SDK1: variants seen among roughly 807,000 people sequenced by gnomAD.
The protein encoded by SDK1 is sidekick cell adhesion molecule 1, also known as protein sidekick-1.
SDK1 carries 157 observed loss-of-function variants against 245.5 expected under a neutral mutation model. That is an observed-to-expected ratio of 0.64 (90% CI 0.56 to 0.73). The LOEUF is 0.73. Ranked by LOEUF, SDK1 falls within the 30% of genes least tolerant of loss-of-function variation. The pLI is 0.00. For missense variants in SDK1, 3,583 were observed against 3,002.3 expected (o/e 1.19, Z -4.52); for synonymous variants, 1,647 against 1,278.5 (o/e 1.29, Z -6.15).
chr7:3,856,750 C>T (rs1780557489), intron 5 of SDK1, among the ~76,000 whole-genome samples: 1 of 152,132 alleles, frequency 6.6e-6, no homozygotes, highest in Admixed American at 6.5e-5. Flanking sequence ...GAGATCACAC[C>T]ACTGCACTCT....
chr7:4,129,955 C>T lies in SDK1; in HGVS notation c.3987C>T (p.Ile1329=), dbSNP rs753458390. 4 of 1,613,700 alleles carry T rather than the reference C, an allele frequency of 2.5e-6. No individual in the cohort carries two copies. Among genetic ancestry groups the T allele is most frequent in the Middle Eastern group, 1.6e-4 (1 of 6,082 alleles). Residue 1329 remains isoleucine, a synonymous_variant, in exon 27 of 45, where the codon ATC becomes ATT. Transcript: ENST00000404826. ...KDLDPEPRSH[I]VRGNHTQSAL... is the part of the protein sequence containing the mutation. The stretch of plus-strand genomic sequence containing the variant: ...TGGATCCCGAGCCCAGGAGCCACAT[C>T]GTGCGAGGGAACCACACGCAGTCGG...
At chr7:3,546,191 G>C (rs548629371) in intron 1 of SDK1, among the ~76,000 whole-genome samples, 16 of 152,170 alleles carry the variant, frequency 1.1e-4, no homozygotes, top group Non-Finnish European at 2.1e-4. Flanking sequence ...CAGCATTTCT[G>C]TGGAGTTCCC....
At chr7:3,345,578 A>G (rs1780470313) in intron 1 of SDK1, among the ~76,000 whole-genome samples, 1 of 151,510 alleles carries the variant, frequency 6.6e-6, no homozygotes, top group African/African-American at 2.4e-5. Flanking sequence ...TTTTTCCAGG[A>G]AATTATTTCT....
intron 14 of SDK1, among the ~76,000 whole-genome samples, chr7:4,003,978 G>C (rs569497019): frequency 2.6e-5 from 4 of 152,244 alleles, no homozygotes; most frequent in Admixed American, 1.3e-4. Context: ...GCAACAATGA[G>C]ATGTGGAGTT....
intron 1 of SDK1, among the ~76,000 whole-genome samples, chr7:3,608,661 G>A (rs1435020574): frequency 2.0e-5 from 3 of 152,178 alleles, no homozygotes; most frequent in Non-Finnish European, 4.4e-5. Context: ...GTCAACGTTT[G>A]GAAGGTCTGC....
intron 28 of SDK1, among the ~76,000 whole-genome samples, chr7:4,144,391 G>C (rs961959951): frequency 6.0e-5 from 9 of 151,196 alleles, no homozygotes; most frequent in Non-Finnish European, 1.0e-4. Flanking sequence ...AGACACCTGC[G>C]CCTAGAGGTG....
At chr7:3,825,117 C>G (rs947485404) in intron 5 of SDK1, among the ~76,000 whole-genome samples, 2 of 152,042 alleles carry the variant, frequency 1.3e-5, no homozygotes, top group Admixed American at 6.5e-5. Flanking sequence ...ATGGCCAGCT[C>G]CCACTGCTCA....
chr7:4,258,721 TC>T (rs1268271914), intron 44 of SDK1, among the ~76,000 whole-genome samples: 2 of 152,126 alleles, frequency 1.3e-5, no homozygotes, highest in Non-Finnish European at 2.9e-5. Flanking sequence ...CTCTCGTTTT[TC>T]CCCACTAGGA....
intron 1 of SDK1, among the ~76,000 whole-genome samples, chr7:3,326,505 T>C (rs1779944164): frequency 6.6e-6 from 1 of 152,130 alleles, no homozygotes; most frequent in Non-Finnish European, 1.5e-5. Flanking sequence ...GTAATTCTGT[T>C]AGTTTAGGGT....
At chr7:3,894,462 C>T (rs1781545248) in intron 5 of SDK1, among the ~76,000 whole-genome samples, 1 of 151,976 alleles carries the variant, frequency 6.6e-6, no homozygotes. Flanking sequence ...GGGGAGTGGG[C>T]TTTCCTTCTT....
At chr7:4,232,002 G>A (rs564725172) in intron 40 of SDK1, among the ~76,000 whole-genome samples, 41 of 150,470 alleles carry the variant, frequency 2.7e-4, no homozygotes, top group Middle Eastern at 3.5e-3. Context: ...AGTTCATGAA[G>A]GATTGCTACT....
chr7:3,303,148 C>T (rs573834563), intron 1 of SDK1, among the ~76,000 whole-genome samples: 3 of 152,240 alleles, frequency 2.0e-5, no homozygotes, highest in African/African-American at 7.2e-5. Flanking sequence ...TTTAACTCCT[C>T]CATTACTTGG....
At chr7:3,576,434 G>T (rs1287868559) in intron 1 of SDK1, among the ~76,000 whole-genome samples, 1 of 152,012 alleles carries the variant, frequency 6.6e-6, no homozygotes, top group African/African-American at 2.4e-5. Flanking sequence ...GGAGTCGCAG[G>T]TACACAAAAC....
intron 4 of SDK1, among the ~76,000 whole-genome samples, chr7:3,656,771 C>T (rs1270190601): frequency 4.8e-5 from 7 of 147,052 alleles, no homozygotes; most frequent in African/African-American, 1.3e-4. Flanking sequence ...GACGGAGTCT[C>T]GCTCTGTCGC....
intron 1 of SDK1, among the ~76,000 whole-genome samples, chr7:3,310,463 A>G (rs1779524112): frequency 6.6e-6 from 1 of 152,090 alleles, no homozygotes; most frequent in Non-Finnish European, 1.5e-5. Context: ...TGCACTAGAG[A>G]GGGATTTAAG....
chr7:3,333,972 C>T (rs937911806), intron 1 of SDK1, among the ~76,000 whole-genome samples: 1 of 152,186 alleles, frequency 6.6e-6, no homozygotes, highest in African/African-American at 2.4e-5. Flanking sequence ...AGAACCACAC[C>T]ACCTTGGCCG....
chr7:3,638,943 GT>G, intron 2 of SDK1, 60 bp from the exon 3 acceptor site: 1 of 969,364 alleles, frequency 1.0e-6, no homozygotes, highest in Non-Finnish European at 1.6e-6. Context: ...GCATCTGATG[GT>G]TAGATATAAC....
intron 18 of SDK1, among the ~76,000 whole-genome samples, chr7:4,051,129 T>C (rs868187265): frequency 2.1e-4 from 29 of 137,858 alleles, no homozygotes; most frequent in Middle Eastern, 9.1e-3. Context: ...ATATACATAT[T>C]ATATATAATA....
intron 4 of SDK1, among the ~76,000 whole-genome samples, chr7:3,814,384 G>T (rs1454630053): frequency 6.7e-6 from 1 of 149,960 alleles, no homozygotes; most frequent in East Asian, 2.0e-4. Context: ...TTTCCCCATT[G>T]CTTGTTTTTC....
Sources: allele counts gnomAD v4.1 joint callset (sites outside exome capture counted in the v4.1 genomes callset), GRCh38; gene constraint gnomAD v4.1.1; transcripts MANE v1.5; gene names NCBI Gene and HGNC (gene_info 2026-07-23, HGNC 2026-07-21).